Variants in CHL1 observed in about 807,000 individuals in gnomAD.
CHL1 encodes neural cell adhesion molecule L1-like protein.
In CHL1, 96 loss-of-function variants were observed where a neutral mutation model predicts 141.9. That is an observed-to-expected ratio of 0.68 (90% CI 0.57 to 0.80). The LOEUF (loss-of-function observed/expected upper bound fraction) is 0.80. CHL1 is among the 30% of genes least tolerant of loss of function. The pLI is 0.00. For missense variants in CHL1, 1,820 were observed against 1,457.2 expected (o/e 1.25, Z -4.05); for synonymous variants, 613 against 502.2 (o/e 1.22, Z -2.95).
intron 2 of CHL1, among the ~76,000 whole-genome samples, chr3:302,210 A>C (rs1189992374): frequency 1.3e-5 from 2 of 152,176 alleles, no homozygotes; most frequent in Admixed American, 6.5e-5. Context: ...ATAAACATAC[A>C]TGTGCATGTG....
intron 2 of CHL1, among the ~76,000 whole-genome samples, chr3:306,496 A>G (rs1029525554): frequency 6.6e-6 from 1 of 152,196 alleles, no homozygotes; most frequent in Admixed American, 6.5e-5. Context: ...CTCTCTGATT[A>G]TAGTTGGTTT....
At chr3:232,345 T>A (rs1380760250) in intron 1 of CHL1, among the ~76,000 whole-genome samples, 1 of 152,190 alleles carries the variant, frequency 6.6e-6, no homozygotes, top group Non-Finnish European at 1.5e-5. Flanking sequence ...ATTTTGGGAA[T>A]TGTCATTGAA....
chr3:379,289 A>G (rs1706734104), intron 16 of CHL1, among the ~76,000 whole-genome samples: 1 of 152,180 alleles, frequency 6.6e-6, no homozygotes. Flanking sequence ...GGGTTCTAAA[A>G]TAAAAGAACA....
chr3:249,943 A>G lies in CHL1; in HGVS notation c.-95+5251A>G, dbSNP rs1693528828. Among the ~76,000 whole-genome samples, 4 of 152,042 alleles carry G rather than the reference A, an allele frequency of 2.6e-5. No homozygotes were observed. The South Asian group carries it at 6.2e-4, about 24-fold the overall frequency. On this transcript the variant is annotated intron_variant, in intron 2 of 27. Transcript: ENST00000256509. ...CCTGGGGACTGTGAATTAAACTAAC[A>G]AAAGACAGATTAATAGGAAAAAAAA...
chr3:305,503 C>T (rs984178108), intron 2 of CHL1, among the ~76,000 whole-genome samples: 4 of 151,876 alleles, frequency 2.6e-5, no homozygotes, highest in Admixed American at 2.0e-4. Context: ...ACAGTTTCTC[C>T]TTCAGTAATC....
At chr3:335,994 A>C (rs1472160178) in intron 5 of CHL1, among the ~76,000 whole-genome samples, 1 of 152,232 alleles carries the variant, frequency 6.6e-6, no homozygotes, top group Non-Finnish European at 1.5e-5. Flanking sequence ...TGAAATATTT[A>C]AATTTCAACA....
At chr3:362,647 A>C (rs1490407701) in intron 13 of CHL1, among the ~76,000 whole-genome samples, 1 of 151,832 alleles carries the variant, frequency 6.6e-6, no homozygotes, top group East Asian at 1.9e-4. Context: ...AAACTCAAGC[A>C]GTCGCTTATT....
intron 3 of CHL1, among the ~76,000 whole-genome samples, chr3:321,538 C>T (rs541821128): frequency 2.0e-4 from 31 of 152,180 alleles, no homozygotes; most frequent in East Asian, 9.7e-4. Context: ...CGAATAGCAA[C>T]GAAGATGCCA....
chr3:287,224 A>C (rs1007624489), intron 2 of CHL1, among the ~76,000 whole-genome samples: 3 of 151,916 alleles, frequency 2.0e-5, no homozygotes, highest in African/African-American at 7.2e-5. Flanking sequence ...TTATATATTA[A>C]TACATATTAT....
Position 399,151 on chromosome 3 carries a change from A to G in CHL1, c.3385+3A>G. 6.2e-7 allele frequency: 1 copy of G among 1,606,578 alleles called. No individual in the cohort carries two copies. The highest frequency in any genetic ancestry group is 1.7e-5 in the Admixed American group (1 of 59,704). On this transcript the variant is annotated splice_donor_region_variant and intron_variant, in intron 26 of 27. Coordinates refer to ENST00000256509, the MANE Select transcript of CHL1 (RefSeq NM_006614.4). ...GAATAGAGGTGGAAAGTACTCAGGT[A>G]AAATTGTTTCTTAATGTGATTTTCA...
chr3:197,816 G>A (rs1244097007), intron 1 of CHL1: 1 of 456,502 alleles, frequency 2.2e-6, no homozygotes, highest in Admixed American at 2.3e-5. Flanking sequence ...CGGGGGGCTG[G>A]AGATGCCGGT....
At chr3:293,323 GA>G (rs1382933461) in intron 2 of CHL1, among the ~76,000 whole-genome samples, 3 of 152,062 alleles carry the variant, frequency 2.0e-5, no homozygotes, top group Non-Finnish European at 4.4e-5. Context: ...CCAACATGGG[GA>G]AAACTTGTCT....
At chr3:400,362 G>A (rs2106422693) in intron 26 of CHL1, among the ~76,000 whole-genome samples, 1 of 152,210 alleles carries the variant, frequency 6.6e-6, no homozygotes, top group Admixed American at 6.5e-5. Flanking sequence ...AATGTTCTGA[G>A]TAATTAATTG....
intron 2 of CHL1, among the ~76,000 whole-genome samples, chr3:265,326 G>T (rs1219375426): frequency 1.3e-5 from 2 of 152,178 alleles, no homozygotes; most frequent in East Asian, 3.8e-4. Flanking sequence ...GAAGATAGTG[G>T]TTAAGTGCTT....
intron 2 of CHL1, chr3:308,823 C>A: frequency 6.1e-6 from 1 of 162,740 alleles, no homozygotes. Context: ...CGATGCACGA[C>A]AGAAGCTCGC....
chr3:278,576 C>T (rs965768664), intron 2 of CHL1, among the ~76,000 whole-genome samples: 3 of 152,190 alleles, frequency 2.0e-5, no homozygotes, highest in Admixed American at 6.5e-5. Context: ...GGCTTCATGA[C>T]TGGCATAAAA....
intron 2 of CHL1, among the ~76,000 whole-genome samples, chr3:274,505 C>T (rs1396128816): frequency 6.6e-6 from 1 of 152,188 alleles, no homozygotes; most frequent in Non-Finnish European, 1.5e-5. Flanking sequence ...GGGGAAATAA[C>T]TGCTTTTCAA....
chr3:325,837 T>C, intron 3 of CHL1, 122 bp from the exon 4 acceptor site: 1 of 565,948 alleles, frequency 1.8e-6, no homozygotes, highest in Non-Finnish European at 3.1e-6. Context: ...TATTCTGATT[T>C]TCACTTTTGT....
intron 26 of CHL1, among the ~76,000 whole-genome samples, chr3:399,398 T>C (rs1708933653): frequency 6.6e-6 from 1 of 152,130 alleles, no homozygotes; most frequent in Non-Finnish European, 1.5e-5. Flanking sequence ...TTCCAGCAGT[T>C]TGGGAGGCCG....
Sources: gnomAD v4.1 joint callset for allele counts (sites outside exome capture counted in the v4.1 genomes callset) on GRCh38, gnomAD v4.1.1 for gene constraint, MANE v1.5 for transcripts, NCBI Gene and HGNC (gene_info 2026-07-23, HGNC 2026-07-21) for gene names.